PTPRE: variants seen among roughly 807,000 people sequenced by gnomAD.
The protein encoded by PTPRE is receptor-type tyrosine-protein phosphatase epsilon.
In PTPRE, 51 loss-of-function variants were observed where a neutral mutation model predicts 102.0. The ratio of observed to expected loss-of-function variants is 0.50; its 90% CI spans 0.40 to 0.63. The LOEUF (loss-of-function observed/expected upper bound fraction) is 0.63, where lower values mean the gene tolerates loss of function less well. Ranked by LOEUF, PTPRE falls within the 30% of genes least tolerant of loss-of-function variation. PTPRE has a pLI of 0.00. For synonymous variants in PTPRE, 345 were observed against 348.2 expected (o/e 0.99, Z 0.10); for missense variants, 752 against 915.1 (o/e 0.82, Z 2.30).
At chr10:128,044,772 A>G (rs1411431535) in intron 3 of PTPRE, among the ~76,000 whole-genome samples, 1 of 152,198 alleles carries the variant, frequency 6.6e-6, no homozygotes, top group African/African-American at 2.4e-5. Context: ...TTCTTCTCAG[A>G]TGACTCCCTG....
chr10:128,068,545 C>A, intron 12 of PTPRE: 2 of 331,208 alleles, frequency 6.0e-6, no homozygotes, highest in East Asian at 5.4e-5. Context: ...GAGTTCTGGG[C>A]AGGTCTGCTT....
chr10:128,029,229 T>C (rs899972769), intron 2 of PTPRE, among the ~76,000 whole-genome samples: 3 of 152,092 alleles, frequency 2.0e-5, no homozygotes, highest in African/African-American at 7.2e-5. Flanking sequence ...TCCTCTCAAC[T>C]GGCTGCAGGC....
In PTPRE at chr10:128,047,817, A is replaced by G. The variant is rs1335038536; in HGVS notation, c.263A>G (p.Asn88Ser). The G allele has an allele frequency of 2.5e-6, 4 of 1,603,208 alleles. No individual in the cohort carries two copies. Among genetic ancestry groups the G allele is most frequent in the East Asian group, 2.2e-5 (1 of 44,592 alleles). ...VVSTSDKKMP[N>S]GILEEQEQQR... ...AGCACCAGCGACAAGAAGATGCCCA[A>G]CGGAATCTTGGAGGAGCAAGGTACA... Residue 88 changes from asparagine to serine, a missense_variant, in exon 5 of 21, where the codon AAC (asparagine) becomes AGC (serine). Coordinates refer to ENST00000254667, the MANE Select transcript of PTPRE (RefSeq NM_006504.6).
chr10:127,965,092 C>A, intron 1 of PTPRE: 5 of 449,752 alleles, frequency 1.1e-5, no homozygotes, highest in South Asian at 7.9e-5. Flanking sequence ...CAGTCCAATT[C>A]CTTAATAAGT....
intron 3 of PTPRE, among the ~76,000 whole-genome samples, chr10:128,042,621 G>A (rs34690395): frequency 0.19 from 29,587 of 152,098 alleles, 3,149 homozygotes; most frequent in Admixed American, 0.23. Context: ...AGGGGAACCT[G>A]ACCCTGTGAA....
chr10:128,044,417 G>A (rs1320056319), intron 3 of PTPRE, among the ~76,000 whole-genome samples: 2 of 152,214 alleles, frequency 1.3e-5, no homozygotes. Flanking sequence ...CCCGGCTCTT[G>A]GCCAGAGCTC....
At chr10:127,989,328 G>A (rs149763355) in intron 2 of PTPRE, among the ~76,000 whole-genome samples, 15 of 152,256 alleles carry the variant, frequency 9.9e-5, no homozygotes, top group African/African-American at 3.4e-4. Flanking sequence ...TGTTTTTCCA[G>A]ATAACTTACA....
At chr10:127,939,273 T>C (rs913404272) in intron 1 of PTPRE, among the ~76,000 whole-genome samples, 3 of 152,258 alleles carry the variant, frequency 2.0e-5, no homozygotes, top group Non-Finnish European at 2.9e-5. Flanking sequence ...AAAGAATTCA[T>C]CTTGGAATCC....
chr10:127,918,607 A>G (rs974320933), intron 1 of PTPRE, among the ~76,000 whole-genome samples: 1 of 152,040 alleles, frequency 6.6e-6, no homozygotes, highest in Non-Finnish European at 1.5e-5. Flanking sequence ...AATGAAAATT[A>G]TTGAAGGAGC....
chr10:128,069,890 C>T, intron 13 of PTPRE, 63 bp downstream of exon 13: 27 of 1,611,410 alleles, frequency 1.7e-5, no homozygotes, highest in Non-Finnish European at 2.3e-5. Context: ...GCCTTCGCCA[C>T]ACAGGTGTGC....
intron 2 of PTPRE, among the ~76,000 whole-genome samples, chr10:127,988,867 G>A (rs952673214): frequency 6.6e-6 from 1 of 152,026 alleles, no homozygotes; most frequent in African/African-American, 2.4e-5. Context: ...TGCAGAGTTT[G>A]GTAAAAATTA....
At chr10:127,927,201 G>A (rs936085505) in intron 1 of PTPRE, among the ~76,000 whole-genome samples, 1 of 152,134 alleles carries the variant, frequency 6.6e-6, no homozygotes, top group Non-Finnish European at 1.5e-5. Flanking sequence ...CCCCCCGGGG[G>A]TTGGGTTCTC....
chr10:128,008,256 T>C lies in PTPRE; in HGVS notation c.-8+25960T>C, dbSNP rs1197582265. Among the ~76,000 whole-genome samples the C allele has an allele frequency of 1.7e-5, 2 of 117,572 alleles. No homozygotes were observed. Among genetic ancestry groups the C allele is most frequent in the Non-Finnish European group, 3.5e-5 (2 of 57,236 alleles). 77.1% of individuals were successfully genotyped at this position (117,572 alleles called of 152,430 possible). ...CCCTCCCTTTCACCCTCCCTCCCTC[T>C]CTCCCTCATTCCCTCCCTCCCTCCC... On this transcript the variant is annotated intron_variant, in intron 2 of 20. Coordinates refer to ENST00000254667, the MANE Select transcript of PTPRE (RefSeq NM_006504.6). The surrounding 1 kb of genome is among the most constrained non-coding windows in gnomAD (Gnocchi z 4.0).
intron 2 of PTPRE, among the ~76,000 whole-genome samples, chr10:128,040,351 G>A (rs1051473609): frequency 6.6e-6 from 1 of 152,162 alleles, no homozygotes; most frequent in African/African-American, 2.4e-5. Flanking sequence ...CATGAACTAG[G>A]CCCTGAAAGG....
intron 11 of PTPRE, among the ~76,000 whole-genome samples, 155 bp downstream of exon 11, chr10:128,066,349 G>A (rs1027800037): frequency 5.9e-5 from 9 of 152,240 alleles, no homozygotes; most frequent in Admixed American, 1.3e-4. Flanking sequence ...GCTGTGATAG[G>A]CAGACATGCA....
intron 1 of PTPRE, among the ~76,000 whole-genome samples, chr10:127,954,757 C>T (rs1347503245): frequency 6.6e-6 from 1 of 151,972 alleles, no homozygotes; most frequent in African/African-American, 2.4e-5. Flanking sequence ...TCTCCTATAG[C>T]CGGGATTCAC....
intron 18 of PTPRE, 129 bp downstream of exon 18, chr10:128,076,857 T>C: frequency 1.5e-6 from 2 of 1,297,536 alleles, no homozygotes; most frequent in Non-Finnish European, 1.1e-6. Context: ...TCCCATTGGC[T>C]ATGAATGGCC....
At chr10:128,025,018 G>C (rs915896931) in intron 2 of PTPRE, among the ~76,000 whole-genome samples, 1 of 151,886 alleles carries the variant, frequency 6.6e-6, no homozygotes, top group Admixed American at 6.6e-5. Context: ...AATTAGGCAA[G>C]CATGATGGTG....
intron 2 of PTPRE, among the ~76,000 whole-genome samples, chr10:128,003,054 T>G (rs1447449754): frequency 6.6e-6 from 1 of 152,192 alleles, no homozygotes; most frequent in African/African-American, 2.4e-5. Context: ...CATGCACAGA[T>G]AGACCATTTA....
Sources: gnomAD v4.1 joint callset for allele counts (sites outside exome capture counted in the v4.1 genomes callset) on GRCh38, gnomAD v4.1.1 for gene constraint, Gnocchi (gnomAD v3.1) non-coding constraint, MANE v1.5 for transcripts, NCBI Gene and HGNC (gene_info 2026-07-23, HGNC 2026-07-21) for gene names.